HEATR6: variants seen among roughly 807,000 people sequenced by gnomAD.
HEATR6 encodes the protein HEAT repeat-containing protein 6.
In HEATR6, 106 loss-of-function variants were observed where a neutral mutation model predicts 132.8. The observed-to-expected ratio is 0.80, with a 90% CI of 0.68 to 0.94. The LOEUF (loss-of-function observed/expected upper bound fraction) is 0.94. HEATR6 is among the 40% of genes least tolerant of loss of function. The probability of loss-of-function intolerance (pLI) is 0.00; values close to 1 mark genes in which losing one functional copy is unlikely to be tolerated. For missense variants in HEATR6, 1,339 were observed against 1,425.1 expected (o/e 0.94, Z 0.97); for synonymous variants, 529 against 537.8 (o/e 0.98, Z 0.23).
chr17:60,051,833 T>C (rs1284445295), intron 14 of HEATR6, among the ~76,000 whole-genome samples: 2 of 152,214 alleles, frequency 1.3e-5, no homozygotes, highest in East Asian at 3.8e-4. Flanking sequence ...GGGTCCTCCC[T>C]GCCCCACTCC....
chr17:60,049,725 G>T (rs766511283), intron 15 of HEATR6, 23 bp from the exon 16 acceptor site: 1 of 1,608,448 alleles, frequency 6.2e-7, no homozygotes, highest in South Asian at 1.1e-5. Context: ...GGTTGACAAG[G>T]GAAAAATGAG....
rs542525098 is a variant in HEATR6 at position 60,076,185 on chromosome 17, T to C, written c.272A>G (p.Asn91Ser). The C allele has an allele frequency of 6.2e-7, 1 of 1,612,372 alleles. No homozygotes were observed. Among genetic ancestry groups the C allele is most frequent in the East Asian group, 2.2e-5 (1 of 44,852 alleles). Residue 91 changes from asparagine (N) to serine (S), a missense_variant, in exon 2 of 20, where the codon AAT (asparagine) becomes AGT (serine). Transcript: ENST00000184956. ...CTGGCTCACTTTGCTGACAAGATGA[T>C]TCTGATTAAGAGGTACCAGTCGGCA... ...QACRLVPLNQ[N>S]HLVSKVSQLI...
intron 9 of HEATR6, among the ~76,000 whole-genome samples, chr17:60,065,909 A>G (rs2083237979): frequency 6.6e-6 from 1 of 152,232 alleles, no homozygotes; most frequent in Non-Finnish European, 1.5e-5. Flanking sequence ...CAACATTTTC[A>G]TAAAAGGAAG....
At position 60,060,063 on chromosome 17, in the gene HEATR6, T is replaced by C. The variant is rs115073148; in HGVS notation, c.1450A>G (p.Ile484Val). Residue 484 changes from isoleucine (I) to valine (V), a missense_variant, in exon 10 of 20, where the codon ATC becomes GTC. By Grantham distance (29) the Ile-to-Val change is conservative (BLOSUM62 3). Coordinates refer to ENST00000184956, the MANE Select transcript of HEATR6 (RefSeq NM_022070.5). ...AGAAACTGCTTTGAGCCTTCCAAGA[T>C]GGCAGATAAAACTTGCAGAGCACAG... is the stretch of plus-strand genomic sequence containing the variant. ...RACALQVLSA[I>V]LEGSKQFLSV... is the part of the protein sequence containing the mutation. 9.3e-4 allele frequency: 1,506 copies of C among 1,614,054 alleles called. 2 individuals are homozygous for C. The highest frequency in any genetic ancestry group is 1.2e-3 in the Non-Finnish European group (1,437 of 1,179,946).
intron 9 of HEATR6, among the ~76,000 whole-genome samples, chr17:60,060,393 C>T (rs141813059): frequency 2.9e-4 from 44 of 152,224 alleles, no homozygotes; most frequent in African/African-American, 9.9e-4. Flanking sequence ...AATCCTCCCA[C>T]GTCAGCCTCC....
rs1275914827 is a variant in HEATR6, at chr17:60,046,027, A to T, written c.2972T>A (p.Leu991Ter). The part of the protein sequence containing the change: ...GNVFKNPALP[L>*]GTAPWTSQAY... ...GGAGTGAAGGGAAACTTTCTTACCT[A>T]AAGGAAGGGCAGGATTTTTAAATAC... The change falls in exon 19 of 20, where the codon TTA becomes TAA. Residue 991 changes from leucine to a stop codon, truncating the protein, a stop_gained and splice_region_variant. Coordinates refer to ENST00000184956, the MANE Select transcript of HEATR6 (RefSeq NM_022070.5). LOFTEE classifies it high-confidence loss of function. 6.2e-7 allele frequency: 1 copy of T among 1,612,084 alleles called. No homozygotes were observed. The highest frequency in any genetic ancestry group is 1.7e-5 in the Admixed American group (1 of 59,944).
chr17:60,055,782 T>G (rs1209026654), intron 13 of HEATR6, among the ~76,000 whole-genome samples, 181 bp from the exon 14 acceptor site: 1 of 152,230 alleles, frequency 6.6e-6, no homozygotes, highest in Non-Finnish European at 1.5e-5. Context: ...TCACTTGAGT[T>G]TGGAGATCGC....
chr17:60,052,136 T>C (rs1363482065), intron 14 of HEATR6, among the ~76,000 whole-genome samples: 1 of 152,192 alleles, frequency 6.6e-6, no homozygotes, highest in Non-Finnish European at 1.5e-5. Context: ...GGGGAGGAAA[T>C]GAGTTGAGGC....
chr17:60,069,047 G>C (rs976259159), intron 7 of HEATR6, among the ~76,000 whole-genome samples: 2 of 152,212 alleles, frequency 1.3e-5, no homozygotes, highest in African/African-American at 4.8e-5. Flanking sequence ...GAAGCACTTT[G>C]ATCAGGTATG....
intron 19 of HEATR6, among the ~76,000 whole-genome samples, chr17:60,044,446 G>A (rs564229913): frequency 4.6e-5 from 7 of 152,268 alleles, no homozygotes; most frequent in East Asian, 3.9e-4. Context: ...ATTCTGTCCC[G>A]TTGGGGTATG....
intron 5 of HEATR6, among the ~76,000 whole-genome samples, chr17:60,071,886 A>T (rs574403228): frequency 1.3e-5 from 2 of 152,246 alleles, no homozygotes; most frequent in Non-Finnish European, 2.9e-5. Flanking sequence ...TTTAAAAAAG[A>T]AATAAAATAT....
chr17:60,070,890 G>T, intron 5 of HEATR6, 83 bp from the exon 6 acceptor site: 1 of 767,252 alleles, frequency 1.3e-6, no homozygotes, highest in South Asian at 1.5e-5. Flanking sequence ...CACTTAGGAT[G>T]GAAGAGAGAC....
chr17:60,066,734 A>G (rs2077262999), intron 8 of HEATR6, among the ~76,000 whole-genome samples: 1 of 152,212 alleles, frequency 6.6e-6, no homozygotes, highest in Non-Finnish European at 1.5e-5. Context: ...TGAATGACCT[A>G]TGTATGTGCC....
At chr17:60,076,914 T>C (rs970064631) in intron 1 of HEATR6, among the ~76,000 whole-genome samples, 6 of 149,360 alleles carry the variant, frequency 4.0e-5, no homozygotes, top group Non-Finnish European at 8.9e-5. Flanking sequence ...CTAACACTTC[T>C]ATGGATTTTA....
intron 18 of HEATR6, 48 bp downstream of exon 18, chr17:60,047,261 T>C (rs1204674066): frequency 8.1e-7 from 1 of 1,233,250 alleles, no homozygotes; most frequent in Admixed American, 1.8e-5. Context: ...GCAGCTACAA[T>C]ACATTAACTA....
chr17:60,066,361 C>T lies in HEATR6; in HGVS notation c.1264G>A (p.Gly422Arg), dbSNP rs1053293801. Residue 422 changes from glycine to arginine, a missense_variant, in exon 9 of 20, where the codon GGA becomes AGA. By Grantham distance (125) the Gly-to-Arg change is moderately radical. Transcript: ENST00000184956. ...GTAGAAAGAAAACAAACTAAGGCTC[C>T]TTGGCGAACTTTAGCTTGGTAAGAC... ...MRSYQAKVRQ[G>R]ALVCFLSTIK... 1 of 1,610,816 alleles carries T rather than the reference C, an allele frequency of 6.2e-7. No individual in the cohort carries two copies. The highest frequency in any genetic ancestry group is 1.1e-5 in the South Asian group (1 of 90,016).
chr17:60,043,503 A>G lies in HEATR6; in HGVS notation c.*60T>C. 1 of 1,311,434 alleles carries G rather than the reference A, an allele frequency of 7.6e-7. No individual in the cohort carries two copies. Among genetic ancestry groups the G allele is most frequent in the Non-Finnish European group, 1.1e-6 (1 of 934,114 alleles). 81.2% of individuals were successfully genotyped at this position (1,311,434 alleles called of 1,614,324 possible). ...CCTAAGATGAAATCCCACAGATCTT[A>G]TGCTCAAGCTCAGGTCTTCCTACTG... is the stretch of plus-strand genomic sequence containing the variant. On this transcript the variant is annotated 3_prime_UTR_variant, in exon 20 of 20. Transcript: ENST00000184956.
chr17:60,074,093 C>A, intron 2 of HEATR6: 1 of 1,271,976 alleles, frequency 7.9e-7, no homozygotes, highest in Non-Finnish European at 9.9e-7. Context: ...TCACTTCTTC[C>A]TCTTTAGTAA....
At chr17:60,056,920 A>T (rs1206163644) in intron 12 of HEATR6, 128 bp downstream of exon 12, 4 of 641,150 alleles carry the variant, frequency 6.2e-6, no homozygotes, top group Non-Finnish European at 1.1e-5. Context: ...TACACCACCC[A>T]TACCTAAAAT....
Sources: gnomAD v4.1 joint callset for allele counts (sites outside exome capture counted in the v4.1 genomes callset) on GRCh38, gnomAD v4.1.1 for gene constraint, MANE v1.5 for transcripts, NCBI Gene and HGNC (gene_info 2026-07-23, HGNC 2026-07-21) for gene names.